Variants in KIRREL3 observed in about 807,000 individuals in gnomAD.
The protein encoded by KIRREL3 is kin of IRRE-like protein 3.
Under a neutral mutation model 89.7 loss-of-function variants are expected in KIRREL3, and 36 were observed. The ratio of observed to expected loss-of-function variants is 0.40; its 90% CI spans 0.31 to 0.53. KIRREL3 has a LOEUF of 0.53. Ranked by LOEUF, KIRREL3 falls within the 20% of genes least tolerant of loss-of-function variation. The probability of loss-of-function intolerance (pLI) is 0.49; values close to 1 mark genes in which losing one functional copy is unlikely to be tolerated. For synonymous variants in KIRREL3, 445 were observed against 441.4 expected (o/e 1.01, Z -0.10); for missense variants, 864 against 1,056.6 (o/e 0.82, Z 2.53).
intron 1 of KIRREL3, among the ~76,000 whole-genome samples, chr11:126,982,611 C>T (rs183713202): frequency 8.5e-5 from 13 of 152,326 alleles, no homozygotes; most frequent in South Asian, 2.1e-4. Flanking sequence ...TTTACTTCCA[C>T]GTACTGTTTC....
chr11:126,554,773 A>G (rs1273283967), intron 2 of KIRREL3, among the ~76,000 whole-genome samples: 1 of 152,152 alleles, frequency 6.6e-6, no homozygotes, highest in African/African-American at 2.4e-5. Context: ...TAGTGAAAAC[A>G]GGTGACTCAA....
At chr11:126,818,878 T>G (rs1592171888) in intron 1 of KIRREL3, among the ~76,000 whole-genome samples, 1 of 152,186 alleles carries the variant, frequency 6.6e-6, no homozygotes, top group East Asian at 1.9e-4. Context: ...GCTGTTTGAC[T>G]TCCTTAGACA....
Position 126,883,177 on chromosome 11 carries a change from C to T in KIRREL3, c.55+117278G>A, listed in dbSNP as rs1945570788. On this transcript the variant is annotated intron_variant, in intron 1 of 16. Coordinates refer to ENST00000525144, the MANE Select transcript of KIRREL3 (RefSeq NM_032531.4). This position sits in a 1 kb window ranked among gnomAD's most constrained non-coding sequence, Gnocchi z 4.1. Reference sequence around the variant, plus strand: ...AGATACTGAATCTGGAGCCTAACTCCTTGGCAGCTGAGCAGGAGACAGGAG... The same window carrying T: ...AGATACTGAATCTGGAGCCTAACTCTTTGGCAGCTGAGCAGGAGACAGGAG... Among the ~76,000 whole-genome samples, 1 of 152,116 alleles carries T rather than the reference C, an allele frequency of 6.6e-6. No homozygotes were observed. Among genetic ancestry groups the T allele is most frequent in the Non-Finnish European group, 1.5e-5 (1 of 68,014 alleles).
In KIRREL3 at chr11:126,795,241, A is replaced by T. The variant is rs1950768864; in HGVS notation, c.55+205214T>A. Among the ~76,000 whole-genome samples the T allele has an allele frequency of 6.6e-6, 1 of 152,264 alleles. No homozygotes were observed. Among genetic ancestry groups the T allele is most frequent in the South Asian group, 2.1e-4 (1 of 4,834 alleles). On this transcript the variant is annotated intron_variant, in intron 1 of 16. Coordinates refer to ENST00000525144, the MANE Select transcript of KIRREL3 (RefSeq NM_032531.4). The surrounding 1 kb of genome is among the most constrained non-coding windows in gnomAD (Gnocchi z 4.1). ...ACTCTAATGTAAACTAGGGACTTCAATTCATAACAATGTATCTATATTGGC... is the reference window on the plus strand; with the variant it reads ...ACTCTAATGTAAACTAGGGACTTCATTTCATAACAATGTATCTATATTGGC...
rs978872883 is a variant in KIRREL3 at position 126,562,324 on chromosome 11, G to T, written c.133+511C>A. 6.6e-6 allele frequency among the ~76,000 whole-genome samples: 1 copy of T among 152,214 alleles called. No individual in the cohort carries two copies. Among genetic ancestry groups the T allele is most frequent in the East Asian group, 1.9e-4 (1 of 5,166 alleles). Reference sequence around the variant, plus strand: ...GAATGGCCTCTGAGTAAGAGGGAGGGGTAGGGTCAGTGGAGTTGGGAAAGG... The same window carrying T: ...GAATGGCCTCTGAGTAAGAGGGAGGTGTAGGGTCAGTGGAGTTGGGAAAGG... On this transcript the variant is annotated intron_variant, in intron 2 of 16. Coordinates refer to ENST00000525144, the MANE Select transcript of KIRREL3 (RefSeq NM_032531.4). This position sits in a 1 kb window ranked among gnomAD's most constrained non-coding sequence, Gnocchi z 4.7.
In KIRREL3 at chr11:126,955,923, C is replaced by T. The variant is rs1002020549; in HGVS notation, c.55+44532G>A. 6.6e-6 allele frequency among the ~76,000 whole-genome samples: 1 copy of T among 152,138 alleles called. No homozygotes were observed. The highest frequency in any genetic ancestry group is 1.5e-5 in the Non-Finnish European group (1 of 68,036). On this transcript the variant is annotated intron_variant, in intron 1 of 16. Transcript: ENST00000525144. The surrounding 1 kb of genome is among the most constrained non-coding windows in gnomAD (Gnocchi z 4.6). ...AGTATTTTTAATATTACCCTGGAAA[C>T]ATGAATTGAATTACACAACAAAATG...
intron 1 of KIRREL3, among the ~76,000 whole-genome samples, chr11:126,962,821 C>T (rs1399306522): frequency 6.6e-6 from 1 of 152,148 alleles, no homozygotes; most frequent in East Asian, 1.9e-4. Context: ...TCAGCAACCA[C>T]CACCCTGATC....
intron 1 of KIRREL3, among the ~76,000 whole-genome samples, chr11:126,602,942 C>G (rs920858195): frequency 6.6e-6 from 1 of 152,158 alleles, no homozygotes; most frequent in Non-Finnish European, 1.5e-5. Flanking sequence ...CTAATAGCTA[C>G]AGAGGTCTCA....
At chr11:126,878,719 A>G (rs900321803) in intron 1 of KIRREL3, among the ~76,000 whole-genome samples, 1 of 152,166 alleles carries the variant, frequency 6.6e-6, no homozygotes, top group Non-Finnish European at 1.5e-5. Context: ...AGCTCTGGCC[A>G]CCTCTGGGAT....
intron 1 of KIRREL3, among the ~76,000 whole-genome samples, chr11:126,674,396 T>C (rs939608395): frequency 6.6e-6 from 1 of 152,240 alleles, no homozygotes; most frequent in South Asian, 2.1e-4. Context: ...TACTAAGACA[T>C]CCAGACAAAG....
chr11:126,895,806 C>T (rs1946134086), intron 1 of KIRREL3, among the ~76,000 whole-genome samples: 1 of 152,142 alleles, frequency 6.6e-6, no homozygotes, highest in African/African-American at 2.4e-5. Context: ...GAGCCTGGTT[C>T]AGAACTCATT....
At chr11:126,667,628 T>C (rs1945721785) in intron 1 of KIRREL3, among the ~76,000 whole-genome samples, 2 of 152,170 alleles carry the variant, frequency 1.3e-5, no homozygotes, top group Non-Finnish European at 2.9e-5. Flanking sequence ...CTACGATCTT[T>C]TCCCAGACAC....
In KIRREL3 at chr11:126,624,747, CGT is replaced by C. The variant is rs1433458094; in HGVS notation, c.56-61837_56-61836del. On this transcript the variant is annotated intron_variant, in intron 1 of 16. Transcript: ENST00000525144. The surrounding 1 kb of genome is among the most constrained non-coding windows in gnomAD (Gnocchi z 6.0). ...CTGAGTAATTCCCGAGCATCAATAA[CGT>C]GTGTCATGATGTAATGCAGGGAGAC... Among the ~76,000 whole-genome samples, 1 of 152,090 alleles carries C rather than the reference CGT, an allele frequency of 6.6e-6. No individual in the cohort carries two copies. The highest frequency in any genetic ancestry group is 1.5e-5 in the Non-Finnish European group (1 of 68,014).
At chr11:126,458,591 G>A (rs959487770) in intron 6 of KIRREL3, among the ~76,000 whole-genome samples, 1 of 152,192 alleles carries the variant, frequency 6.6e-6, no homozygotes, top group Non-Finnish European at 1.5e-5. Flanking sequence ...GCTGGTGTCT[G>A]CAGGCACTGG....
intron 1 of KIRREL3, among the ~76,000 whole-genome samples, chr11:126,863,352 TGTGA>T (rs1490851183): frequency 4.9e-4 from 74 of 151,832 alleles, no homozygotes; most frequent in African/African-American, 1.7e-3. Flanking sequence ...CATGGGTGCA[TGTGA>T]GTGTGTGTTT....
chr11:126,660,609 A>G (rs977639250), intron 1 of KIRREL3, among the ~76,000 whole-genome samples: 7 of 108,224 alleles, frequency 6.5e-5, no homozygotes, highest in South Asian at 4.6e-4. Flanking sequence ...ATGGCTGGAA[A>G]TGTCAGGTTG....
chr11:126,809,055 C>A (rs1292337728), intron 1 of KIRREL3, among the ~76,000 whole-genome samples: 3 of 152,264 alleles, frequency 2.0e-5, no homozygotes, highest in African/African-American at 4.8e-5. Context: ...TGTGTACAGG[C>A]CTCTAATAAT....
At position 126,876,670 on chromosome 11, in the gene KIRREL3, T is replaced by C. The variant is rs1020675341; in HGVS notation, c.55+123785A>G. Among the ~76,000 whole-genome samples, 2 of 151,972 alleles carry C rather than the reference T, an allele frequency of 1.3e-5. No homozygotes were observed. The highest frequency in any genetic ancestry group is 2.9e-5 in the Non-Finnish European group (2 of 67,992). ...GTCCTGCCTCAGCCTTCCAAGTAGC[T>C]GGGATTACAGGCACCTGCCACCATG... On this transcript the variant is annotated intron_variant, in intron 1 of 16. Coordinates refer to ENST00000525144, the MANE Select transcript of KIRREL3 (RefSeq NM_032531.4). This position sits in a 1 kb window ranked among gnomAD's most constrained non-coding sequence, Gnocchi z 4.1.
intron 1 of KIRREL3, among the ~76,000 whole-genome samples, chr11:126,725,696 C>T (rs895752558): frequency 5.9e-5 from 9 of 152,184 alleles, no homozygotes; most frequent in East Asian, 3.9e-4. Context: ...GCTCTGCCCT[C>T]GCTGCAAGGC....
Sources: gnomAD v4.1 joint callset for allele counts (sites outside exome capture counted in the v4.1 genomes callset) on GRCh38, gnomAD v4.1.1 for gene constraint, Gnocchi (gnomAD v3.1) non-coding constraint, MANE v1.5 for transcripts, NCBI Gene and HGNC (gene_info 2026-07-23, HGNC 2026-07-21) for gene names.